Variants in KDM2B observed in about 807,000 individuals in gnomAD.
The protein encoded by KDM2B is lysine demethylase 2B.
Under a neutral mutation model 150.0 loss-of-function variants are expected in KDM2B, and 26 were observed. The observed-to-expected ratio is 0.17, with a 90% CI of 0.13 to 0.24. KDM2B has a LOEUF of 0.24. Ranked by LOEUF, KDM2B falls within the 10% of genes least tolerant of loss-of-function variation. The probability of loss-of-function intolerance (pLI) is 1.00; values close to 1 mark genes in which losing one functional copy is unlikely to be tolerated. For missense variants in KDM2B, 1,265 were observed against 1,816.9 expected, an observed-to-expected ratio of 0.70 and a Z score of 5.52; for synonymous variants, 734 against 729.5, an observed-to-expected ratio of 1.01 and a Z score of -0.10.
At chr12:121,489,706 C>T (rs562133984) in intron 12 of KDM2B, among the ~76,000 whole-genome samples, 44 of 152,336 alleles carry the variant, frequency 2.9e-4, no homozygotes, top group Non-Finnish European at 1.0e-4. Flanking sequence ...TCCCGAAGTG[C>T]TGGCATTATA....
intron 13 of KDM2B, among the ~76,000 whole-genome samples, chr12:121,445,831 G>A (rs782668010): frequency 5.3e-5 from 8 of 152,194 alleles, no homozygotes; most frequent in African/African-American, 1.4e-4. Flanking sequence ...AAGGAGCAGG[G>A]GCGTGAGCGC....
At chr12:121,484,352 G>A (rs1882511672) in intron 12 of KDM2B, among the ~76,000 whole-genome samples, 1 of 152,154 alleles carries the variant, frequency 6.6e-6, no homozygotes, top group Non-Finnish European at 1.5e-5. Context: ...GGCACTCCGA[G>A]AAGGAAGGAG....
At chr12:121,484,202 A>C (rs893826146) in intron 12 of KDM2B, among the ~76,000 whole-genome samples, 10 of 152,150 alleles carry the variant, frequency 6.6e-5, no homozygotes, top group Non-Finnish European at 1.2e-4. Context: ...CCCTTGCAGC[A>C]GTCCATAAGG....
At chr12:121,455,227 T>C (rs1007857465) in intron 12 of KDM2B, among the ~76,000 whole-genome samples, 1 of 151,338 alleles carries the variant, frequency 6.6e-6, no homozygotes, top group Non-Finnish European at 1.5e-5. Flanking sequence ...GAAAGGGAGG[T>C]GCTCCCCGGC....
Position 121,453,458 on chromosome 12 carries a change from C to G in KDM2B, c.1735-114G>C. On this transcript the variant is annotated intron_variant, in intron 12 of 22. Transcript: ENST00000377071. This position sits in a 1 kb window ranked among gnomAD's most constrained non-coding sequence, Gnocchi z 6.4. ...CCCCCAGAAAGACACGATGGGGGCT[C>G]TAAACCCCATTCCTCAGAGTGTGAT... The G allele has an allele frequency of 1.4e-6, 1 of 727,490 alleles. No homozygotes were observed. The allele number at this position is 727,490 out of a possible 1,614,324, so 45.1% of individuals were successfully genotyped here. A position where few individuals can be genotyped will look rare whatever the true frequency, so the allele number is the denominator to read the frequency against.
chr12:121,433,486 C>A (rs1339665647), intron 22 of KDM2B, among the ~76,000 whole-genome samples: 1 of 152,180 alleles, frequency 6.6e-6, no homozygotes, highest in African/African-American at 2.4e-5. Flanking sequence ...TCCTGAGTAG[C>A]TGGGACTATA....
the KDM2B span, chr12:121,416,480 A>G: frequency 5.9e-6 from 5 of 844,426 alleles, no homozygotes. Flanking sequence ...TTATAAAAAT[A>G]TCAAAAGCTT....
intron 4 of KDM2B, 50 bp downstream of exon 4, chr12:121,574,497 C>A: frequency 1.3e-6 from 2 of 1,587,412 alleles, no homozygotes; most frequent in Non-Finnish European, 1.7e-6. Flanking sequence ...CGCCTCTTTC[C>A]CCTTCCCTAC....
At chr12:121,541,454 A>G (rs1369301043) in intron 6 of KDM2B, among the ~76,000 whole-genome samples, 5 of 144,428 alleles carry the variant, frequency 3.5e-5, no homozygotes, top group Non-Finnish European at 6.0e-5. Context: ...AGGGAGGGAG[A>G]GAGGGAGGGA....
At chr12:121,426,581 C>CAT (rs1475976075), downstream of KDM2B, among the ~76,000 whole-genome samples, 1 of 150,166 alleles carries the variant, frequency 6.7e-6, no homozygotes, top group African/African-American at 2.5e-5. Context: ...CAGGAGCTGG[C>CAT]ATATAATGCA....
At chr12:121,534,447 C>G (rs1555308381) in intron 7 of KDM2B, 50 bp downstream of exon 7, 1 of 1,389,894 alleles carries the variant, frequency 7.2e-7, no homozygotes, top group South Asian at 1.2e-5. Context: ...AGCCCCTCCC[C>G]ACACAAACAG....
rs951755539 is a variant in KDM2B, at chr12:121,537,049, G to C, written c.684-2459C>G. Among the ~76,000 whole-genome samples the C allele has an allele frequency of 5.9e-5, 9 of 152,176 alleles. No individual in the cohort carries two copies. The highest frequency in any genetic ancestry group is 1.2e-4 in the Non-Finnish European group (8 of 68,008). On this transcript the variant is annotated intron_variant, in intron 6 of 22. Transcript: ENST00000377071. The surrounding 1 kb of genome is among the most constrained non-coding windows in gnomAD (Gnocchi z 8.7). ...CCCTCCAGCATCCAGAGGCCCCTCG[G>C]GGGGCTGGGGCCGCCTCTTCCAGAC...
chr12:121,523,120 G>A (rs1015170406), intron 8 of KDM2B, among the ~76,000 whole-genome samples: 1 of 152,208 alleles, frequency 6.6e-6, no homozygotes, highest in Non-Finnish European at 1.5e-5. Flanking sequence ...TGAAACTGAG[G>A]GCACAAAGGG....
chr12:121,545,104 A>G (rs1888922795), intron 6 of KDM2B, among the ~76,000 whole-genome samples: 1 of 152,124 alleles, frequency 6.6e-6, no homozygotes, highest in Non-Finnish European at 1.5e-5. Context: ...TTCTAGAAAC[A>G]ATGTCATCTT....
At chr12:121,422,932 C>T in the KDM2B span, among the ~76,000 whole-genome samples, 1 of 152,112 alleles carries the variant, frequency 6.6e-6, no homozygotes, top group African/African-American at 2.4e-5. Context: ...ACTAAGGCTC[C>T]TTTTCCTACT....
chr12:121,552,647 TG>T (rs1297502436), intron 4 of KDM2B, among the ~76,000 whole-genome samples: 1 of 143,674 alleles, frequency 7.0e-6, no homozygotes, highest in Non-Finnish European at 1.5e-5. Flanking sequence ...CACTCTAGCC[TG>T]GGTGACATGG....
intron 2 of KDM2B, among the ~76,000 whole-genome samples, chr12:121,578,588 G>A (rs1043249709): frequency 6.6e-6 from 1 of 151,838 alleles, no homozygotes; most frequent in Non-Finnish European, 1.5e-5. Context: ...TGGTGGGCGC[G>A]GGCCGGGCCT....
rs782457849 is a variant in KDM2B, at chr12:121,532,936, C to T, written c.801G>A (p.Thr267=). Residue 267 remains threonine, a synonymous_variant, in exon 8 of 23, where the codon ACG becomes ACA. Transcript: ENST00000377071. ...CCTCGTACAGCGCCAAATTGTGCAG[C>T]GTTGGAGGAATCAGCCAAAAAATCT... ...GGKIFWLIPP[T]LHNLALYEEW... 3.7e-6 allele frequency: 6 copies of T among 1,614,140 alleles called. No homozygotes were observed. The Admixed American group carries it at 5.0e-5, about 13-fold the overall frequency.
chr12:121,473,602 C>G (rs1881005401), intron 12 of KDM2B, among the ~76,000 whole-genome samples: 2 of 151,394 alleles, frequency 1.3e-5, no homozygotes, highest in South Asian at 4.2e-4. Context: ...GCCTGTAATC[C>G]CAGCTACTTG....
Sources: allele counts gnomAD v4.1 joint callset (sites outside exome capture counted in the v4.1 genomes callset), GRCh38; gene constraint gnomAD v4.1.1; non-coding constraint Gnocchi (gnomAD v3.1); transcripts MANE v1.5; gene names NCBI Gene and HGNC (gene_info 2026-07-23, HGNC 2026-07-21).